The following IGSF11 variants were observed in gnomAD, a reference collection of about 807,000 sequenced individuals.
IGSF11 encodes the protein immunoglobulin superfamily member 11.
Under a neutral mutation model 41.0 loss-of-function variants are expected in IGSF11, and 22 were observed. That is an observed-to-expected ratio of 0.54 (90% CI 0.38 to 0.77). IGSF11 has a LOEUF of 0.77. IGSF11 is among the 30% of genes least tolerant of loss of function. The pLI is 0.00. For synonymous variants in IGSF11, 219 were observed against 201.3 expected (o/e 1.09, Z -0.74); for missense variants, 444 against 530.8 (o/e 0.84, Z 1.61).
intron 1 of IGSF11, among the ~76,000 whole-genome samples, chr3:119,103,299 A>G (rs1255543204): frequency 6.6e-6 from 1 of 152,028 alleles, no homozygotes; most frequent in Non-Finnish European, 1.5e-5. Context: ...GCCCGGCCCA[A>G]AATTTTTATG....
chr3:119,062,560 CT>C (rs1942087886), intron 1 of IGSF11, among the ~76,000 whole-genome samples: 2 of 152,154 alleles, frequency 1.3e-5, no homozygotes, highest in African/African-American at 2.4e-5. Flanking sequence ...TTGCGAGGTT[CT>C]AAAATGATTG....
chr3:119,011,418 A>C (rs747660732), intron 1 of IGSF11, among the ~76,000 whole-genome samples: 2 of 152,226 alleles, frequency 1.3e-5, no homozygotes, highest in Non-Finnish European at 2.9e-5. Flanking sequence ...CCTGAAGCAC[A>C]TGTGCATGGG....
At chr3:118,945,304 C>G (rs1314672534) in intron 1 of IGSF11, among the ~76,000 whole-genome samples, 1 of 152,102 alleles carries the variant, frequency 6.6e-6, no homozygotes, top group African/African-American at 2.4e-5. Flanking sequence ...TGGTCATACT[C>G]TTATTTTGAC....
chr3:119,106,130 A>C (rs2077018703), upstream of IGSF11, among the ~76,000 whole-genome samples: 1 of 152,232 alleles, frequency 6.6e-6, no homozygotes, highest in South Asian at 2.1e-4. Flanking sequence ...ATTTTGATAC[A>C]GGCATACAAT....
At chr3:119,031,738 T>C (rs1940421162) in intron 1 of IGSF11, among the ~76,000 whole-genome samples, 1 of 152,258 alleles carries the variant, frequency 6.6e-6, no homozygotes, top group Admixed American at 6.5e-5. Context: ...ATCTTTCATG[T>C]AGGTCAAACT....
chr3:118,938,022 TCATA>T (rs1943405576), intron 1 of IGSF11, among the ~76,000 whole-genome samples: 1 of 150,046 alleles, frequency 6.7e-6, no homozygotes, highest in African/African-American at 2.5e-5. Flanking sequence ...TCTCTCTCTC[TCATA>T]TATATATATA....
At chr3:119,010,060 A>G (rs952993210) in intron 1 of IGSF11, among the ~76,000 whole-genome samples, 9 of 152,246 alleles carry the variant, frequency 5.9e-5, no homozygotes, top group African/African-American at 2.2e-4. Flanking sequence ...ATGGAAAGAC[A>G]GATGAAAAAA....
chr3:119,096,175 G>A (rs2076847245), intron 1 of IGSF11, among the ~76,000 whole-genome samples: 1 of 151,992 alleles, frequency 6.6e-6, no homozygotes, highest in South Asian at 2.1e-4. Context: ...CAGTGACTTG[G>A]CTTTCAAGCA....
chr3:119,111,012 C>T (rs2077147445), intron 1 of IGSF11, among the ~76,000 whole-genome samples: 1 of 151,804 alleles, frequency 6.6e-6, no homozygotes, highest in Non-Finnish European at 1.5e-5. Flanking sequence ...TTTTCTCTGG[C>T]TGCCCTTAAC....
chr3:119,068,927 C>CTTTTTTTTTTTTTTTT (rs574659492), intron 1 of IGSF11, among the ~76,000 whole-genome samples: 1 of 81,018 alleles, frequency 1.2e-5, no homozygotes, highest in Non-Finnish European at 2.2e-5. Flanking sequence ...TTTTTTTTTT[C>CTTTTTTTTTTTTTTTT]TTTTTTTTTT....
intron 1 of IGSF11, among the ~76,000 whole-genome samples, chr3:119,144,810 G>T (rs2077697501): frequency 6.6e-6 from 1 of 152,120 alleles, no homozygotes; most frequent in Non-Finnish European, 1.5e-5. Context: ...TGTCAATACA[G>T]GTTATCTCTT....
chr3:118,916,757 C>G (rs941210283), intron 4 of IGSF11, among the ~76,000 whole-genome samples: 7 of 152,056 alleles, frequency 4.6e-5, no homozygotes, highest in South Asian at 2.1e-4. Flanking sequence ...CCAAGTGGAC[C>G]GAATAGACAT....
intron 4 of IGSF11, among the ~76,000 whole-genome samples, chr3:118,911,121 G>A (rs1020461136): frequency 2.6e-5 from 4 of 151,192 alleles, no homozygotes; most frequent in Non-Finnish European, 4.4e-5. Flanking sequence ...ATGTGTGTGT[G>A]CACACACACA....
upstream of IGSF11, among the ~76,000 whole-genome samples, chr3:119,037,662 T>C (rs1940966320): frequency 6.6e-6 from 1 of 152,216 alleles, no homozygotes; most frequent in South Asian, 2.1e-4. Context: ...CTGCTAAAGT[T>C]CACATTTTAA....
intron 1 of IGSF11, among the ~76,000 whole-genome samples, chr3:118,998,830 C>T (rs1936525356): frequency 6.6e-6 from 1 of 151,926 alleles, no homozygotes; most frequent in African/African-American, 2.4e-5. Context: ...CTATTTTATG[C>T]GGTTAAATTA....
chr3:118,952,766 C>T (rs971150670), intron 1 of IGSF11, among the ~76,000 whole-genome samples: 1 of 151,834 alleles, frequency 6.6e-6, no homozygotes. Flanking sequence ...GAAATATGAC[C>T]CATAAGACAC....
At chr3:119,067,057 C>G (rs1942254385) in intron 1 of IGSF11, among the ~76,000 whole-genome samples, 1 of 152,036 alleles carries the variant, frequency 6.6e-6, no homozygotes, top group African/African-American at 2.4e-5. Context: ...CTGCTTTTTT[C>G]TTCATTATAC....
intron 1 of IGSF11, among the ~76,000 whole-genome samples, chr3:118,988,665 A>G (rs529034888): frequency 1.3e-5 from 2 of 152,304 alleles, no homozygotes; most frequent in East Asian, 3.9e-4. Flanking sequence ...TGGCATCTGC[A>G]TGTGGTTTGT....
chr3:119,047,902 G>A (rs138098280), intron 1 of IGSF11, among the ~76,000 whole-genome samples: 1,873 of 152,166 alleles, frequency 0.012, 34 homozygotes, highest in East Asian at 0.08. Flanking sequence ...TGACTACTGC[G>A]TACATAACGA....
Sources: allele counts gnomAD v4.1 joint callset (sites outside exome capture counted in the v4.1 genomes callset), GRCh38; gene constraint gnomAD v4.1.1; transcripts MANE v1.5; gene names NCBI Gene and HGNC (gene_info 2026-07-23, HGNC 2026-07-21).